RSU1: variants seen among roughly 807,000 people sequenced by gnomAD.
The protein encoded by RSU1 is Ras suppressor protein 1, also known as rsu-1.
A neutral mutation model predicts 31.1 loss-of-function variants in RSU1; 26 were observed. The ratio of observed to expected loss-of-function variants is 0.84; its 90% CI spans 0.61 to 1.16. The LOEUF (loss-of-function observed/expected upper bound fraction) is 1.16. Ranked by LOEUF, RSU1 falls within the 50% of genes most tolerant of loss-of-function variation. The probability of loss-of-function intolerance (pLI) is 0.00; values close to 1 mark genes in which losing one functional copy is unlikely to be tolerated. For missense variants in RSU1, 320 were observed against 339.1 expected (o/e 0.94, Z 0.44); for synonymous variants, 164 against 136.3 (o/e 1.20, Z -1.41).
intron 7 of RSU1, among the ~76,000 whole-genome samples, chr10:16,725,294 C>T (rs1337226725): frequency 1.3e-5 from 2 of 152,048 alleles, no homozygotes; most frequent in East Asian, 3.8e-4. Context: ...TCAAGTTAGC[C>T]CCCAGTATCA....
intron 3 of RSU1, among the ~76,000 whole-genome samples, chr10:16,765,737 C>T (rs1272886835): frequency 6.6e-6 from 1 of 152,144 alleles, no homozygotes; most frequent in Non-Finnish European, 1.5e-5. Flanking sequence ...TGAACAGGGG[C>T]GTGGAACTCA....
chr10:16,737,654 C>A (rs1376561604), intron 7 of RSU1, among the ~76,000 whole-genome samples: 1 of 151,816 alleles, frequency 6.6e-6, no homozygotes, highest in African/African-American at 2.4e-5. Flanking sequence ...CGCCTATCTA[C>A]ATCAAGGAAA....
chr10:16,776,808 T>TAAAAAA (rs1299409603), intron 3 of RSU1, among the ~76,000 whole-genome samples: 2 of 139,304 alleles, frequency 1.4e-5, no homozygotes, highest in African/African-American at 2.6e-5. Flanking sequence ...TCACAAAATT[T>TAAAAAA]AAAAAAAAAA....
chr10:16,619,052 C>T (rs1166338504), intron 8 of RSU1, among the ~76,000 whole-genome samples: 9 of 152,132 alleles, frequency 5.9e-5, no homozygotes, highest in Admixed American at 5.9e-4. Context: ...GACTGAACAT[C>T]AGGTACTTAG....
chr10:16,653,730 A>C lies in RSU1; in HGVS notation c.731+41293T>G, dbSNP rs2131517739. ...ATTGAAGCCAGCTGTACTAGATTTC[A>C]TAAGAGCAGAAAGAAGATAATATCG... On this transcript the variant is annotated intron_variant, in intron 8 of 8. Coordinates refer to ENST00000345264, the MANE Select transcript of RSU1 (RefSeq NM_012425.4). Among the ~76,000 whole-genome samples the C allele has an allele frequency of 1.3e-5, 2 of 152,308 alleles. 1 individual carries two copies. Among genetic ancestry groups the C allele is most frequent in the East Asian group, 3.9e-4 (2 of 5,194 alleles).
chr10:16,673,270 CCT>C (rs1835152422), intron 8 of RSU1, among the ~76,000 whole-genome samples: 1 of 152,134 alleles, frequency 6.6e-6, no homozygotes. Context: ...CTGTGGAGTC[CCT>C]GTTTCTCTTT....
At chr10:16,641,608 G>A (rs1172736711) in intron 8 of RSU1, among the ~76,000 whole-genome samples, 1 of 152,176 alleles carries the variant, frequency 6.6e-6, no homozygotes, top group African/African-American at 2.4e-5. Context: ...GGGCTTGGGT[G>A]GGCCCATTAA....
chr10:16,644,422 C>A (rs1213534190), intron 8 of RSU1, among the ~76,000 whole-genome samples: 1 of 152,222 alleles, frequency 6.6e-6, no homozygotes, highest in African/African-American at 2.4e-5. Flanking sequence ...GCATTTCCCA[C>A]GTGCCAGATA....
In RSU1 at chr10:16,691,233, C is replaced by G. The variant is rs74125821; in HGVS notation, c.731+3790G>C. On this transcript the variant is annotated intron_variant, in intron 8 of 8. Transcript: ENST00000345264. ...TAAAAATCCCCTAATTATGAAATGG[C>G]TGCTTCACACAAAGAGTTGAGTTGG... 5.6e-3 allele frequency among the ~76,000 whole-genome samples: 857 copies of G among 152,206 alleles called. 4 individuals are homozygous for G. Among genetic ancestry groups the G allele is most frequent in the South Asian group, 0.03 (145 of 4,818 alleles).
chr10:16,710,544 C>G (rs1048975040), intron 7 of RSU1, among the ~76,000 whole-genome samples: 2 of 152,190 alleles, frequency 1.3e-5, no homozygotes, highest in Admixed American at 1.3e-4. Context: ...ATACTCCCCA[C>G]TTATCAATTT....
At chr10:16,616,835 C>T (rs1384394827) in intron 8 of RSU1, among the ~76,000 whole-genome samples, 1 of 152,180 alleles carries the variant, frequency 6.6e-6, no homozygotes, top group Non-Finnish European at 1.5e-5. Flanking sequence ...GCTAAAAACT[C>T]TCAATAAACT....
At position 16,710,728 on chromosome 10, in the gene RSU1, T is replaced by TA. The variant is rs539157948; in HGVS notation, c.599-15574dup. Among the ~76,000 whole-genome samples, 1,072 of 152,312 alleles carry TA rather than the reference T, an allele frequency of 7.0e-3. 6 individuals carry two copies. Among genetic ancestry groups the TA allele is most frequent in the Non-Finnish European group, 9.2e-3 (627 of 68,026 alleles). ...ATATGTGCAGAAAGTGCAGGTTTGT[T>TA]ACATAGGTATACATGTGTCATGGTG... is the stretch of plus-strand genomic sequence containing the variant. On this transcript the variant is annotated intron_variant, in intron 7 of 8. Coordinates refer to ENST00000345264, the MANE Select transcript of RSU1 (RefSeq NM_012425.4).
At chr10:16,801,560 T>A (rs1257716994) in intron 2 of RSU1, among the ~76,000 whole-genome samples, 1 of 152,142 alleles carries the variant, frequency 6.6e-6, no homozygotes, top group Non-Finnish European at 1.5e-5. Context: ...TTGACATCTA[T>A]AGACTACTCC....
chr10:16,665,240 T>C (rs1202819329), intron 8 of RSU1, among the ~76,000 whole-genome samples: 2 of 152,104 alleles, frequency 1.3e-5, no homozygotes, highest in Admixed American at 6.6e-5. Context: ...CCACCACACC[T>C]GGTCACGTTC....
At chr10:16,665,014 G>T (rs1330173700) in intron 8 of RSU1, among the ~76,000 whole-genome samples, 1 of 152,130 alleles carries the variant, frequency 6.6e-6, no homozygotes, top group Non-Finnish European at 1.5e-5. Flanking sequence ...CACGATCTCA[G>T]TTCACTGCAA....
chr10:16,629,979 C>T (rs752631028), intron 8 of RSU1, among the ~76,000 whole-genome samples: 5 of 152,110 alleles, frequency 3.3e-5, no homozygotes, highest in Non-Finnish European at 5.9e-5. Flanking sequence ...ACTTAACTCT[C>T]TTTGAGAAAA....
intron 5 of RSU1, among the ~76,000 whole-genome samples, chr10:16,754,021 G>C (rs182437903): frequency 6.6e-6 from 1 of 152,040 alleles, no homozygotes; most frequent in Non-Finnish European, 1.5e-5. Context: ...TCATACTCCC[G>C]AGAACTGCAT....
At chr10:16,685,091 C>A (rs1425744023) in intron 8 of RSU1, among the ~76,000 whole-genome samples, 1 of 151,928 alleles carries the variant, frequency 6.6e-6, no homozygotes, top group East Asian at 1.9e-4. Context: ...CTACTAAAAA[C>A]ACAAAAAAAT....
intron 8 of RSU1, among the ~76,000 whole-genome samples, chr10:16,645,662 G>C (rs890064596): frequency 1.3e-5 from 2 of 151,200 alleles, no homozygotes; most frequent in African/African-American, 4.9e-5. Flanking sequence ...ACAAAAATTA[G>C]CCAGGCGTGT....
Sources: gnomAD v4.1 joint callset for allele counts (sites outside exome capture counted in the v4.1 genomes callset) on GRCh38, gnomAD v4.1.1 for gene constraint, MANE v1.5 for transcripts, NCBI Gene and HGNC (gene_info 2026-07-23, HGNC 2026-07-21) for gene names.